NKAIN2: variants seen among roughly 807,000 people sequenced by gnomAD.
The protein encoded by NKAIN2 is sodium/potassium transporting ATPase interacting 2.
A neutral mutation model predicts 32.6 loss-of-function variants in NKAIN2; 14 were observed. The observed-to-expected ratio is 0.43, with a 90% CI of 0.28 to 0.67. NKAIN2 has a LOEUF of 0.67. Among genes scored for constraint, NKAIN2 ranks in the 30% least tolerant of loss-of-function variants. NKAIN2 has a pLI of 0.17. For missense variants in NKAIN2, 198 were observed against 258.3 expected, an observed-to-expected ratio of 0.77 and a Z score of 1.60; for synonymous variants, 80 against 87.2, an observed-to-expected ratio of 0.92 and a Z score of 0.46.
chr6:124,161,978 TGAAAA>T (rs1788302023), intron 1 of NKAIN2, among the ~76,000 whole-genome samples: 1 of 152,078 alleles, frequency 6.6e-6, no homozygotes, highest in African/African-American at 2.4e-5. Flanking sequence ...AATAAAATAA[TGAAAA>T]ATAAAATAAG....
At chr6:124,602,310 T>G (rs913980264) in intron 3 of NKAIN2, among the ~76,000 whole-genome samples, 4 of 152,004 alleles carry the variant, frequency 2.6e-5, no homozygotes, top group African/African-American at 9.7e-5. Flanking sequence ...TCTTATAGCA[T>G]TTTTTACATG....
intron 1 of NKAIN2, among the ~76,000 whole-genome samples, chr6:123,955,357 A>G (rs1777523424): frequency 6.6e-6 from 1 of 151,974 alleles, no homozygotes; most frequent in Non-Finnish European, 1.5e-5. Context: ...TTGTGAATGT[A>G]CATTATTTGA....
intron 3 of NKAIN2, among the ~76,000 whole-genome samples, chr6:124,597,749 T>A (rs1484561162): frequency 1.3e-5 from 2 of 152,278 alleles, no homozygotes; most frequent in East Asian, 3.9e-4. Flanking sequence ...AACTTCTGGC[T>A]TCCTCTAACC....
chr6:124,728,903 A>T (rs1392888236), intron 4 of NKAIN2, among the ~76,000 whole-genome samples: 1 of 151,310 alleles, frequency 6.6e-6, no homozygotes, highest in Non-Finnish European at 1.5e-5. Context: ...AGAAATACAA[A>T]CTACCATCAG....
intron 3 of NKAIN2, among the ~76,000 whole-genome samples, chr6:124,578,629 T>C (rs985826659): frequency 1.3e-5 from 2 of 152,074 alleles, no homozygotes; most frequent in Non-Finnish European, 2.9e-5. Flanking sequence ...CTGAACCTAC[T>C]GGGGCCAGGG....
intron 3 of NKAIN2, among the ~76,000 whole-genome samples, chr6:124,440,923 T>C (rs181594786): frequency 6.6e-6 from 1 of 152,088 alleles, no homozygotes; most frequent in African/African-American, 2.4e-5. Flanking sequence ...CATTCCTACT[T>C]TGACTCCATA....
At chr6:124,323,469 A>G (rs919211732) in intron 2 of NKAIN2, among the ~76,000 whole-genome samples, 4 of 152,198 alleles carry the variant, frequency 2.6e-5, no homozygotes, top group African/African-American at 9.6e-5. Context: ...TAATTTTTGC[A>G]TAAGATATAC....
intron 1 of NKAIN2, among the ~76,000 whole-genome samples, chr6:124,100,935 A>G (rs1417532756): frequency 6.6e-6 from 1 of 152,166 alleles, no homozygotes; most frequent in Non-Finnish European, 1.5e-5. Context: ...TATGAAGACA[A>G]TTTTATGTCT....
At chr6:124,803,926 T>A (rs1780391721) in intron 5 of NKAIN2, among the ~76,000 whole-genome samples, 1 of 152,232 alleles carries the variant, frequency 6.6e-6, no homozygotes. Context: ...TTAATATATA[T>A]ACCTCTACGT....
chr6:124,780,070 T>C (rs545366906), intron 4 of NKAIN2, among the ~76,000 whole-genome samples: 1 of 152,262 alleles, frequency 6.6e-6, no homozygotes, highest in South Asian at 2.1e-4. Flanking sequence ...TTATGCTCAG[T>C]GAAAGAAGCC....
chr6:124,019,922 T>A (rs1339954828), intron 1 of NKAIN2, among the ~76,000 whole-genome samples: 14 of 152,192 alleles, frequency 9.2e-5, no homozygotes. Flanking sequence ...CAGTATTCAA[T>A]GAAAGATATT....
intron 1 of NKAIN2, among the ~76,000 whole-genome samples, chr6:124,216,617 A>G (rs907396751): frequency 6.6e-6 from 1 of 152,182 alleles, no homozygotes; most frequent in Non-Finnish European, 1.5e-5. Context: ...CTGCAAATGT[A>G]GTGTGTAGTT....
At chr6:124,529,947 C>T (rs900277638) in intron 3 of NKAIN2, among the ~76,000 whole-genome samples, 1 of 152,090 alleles carries the variant, frequency 6.6e-6, no homozygotes, top group African/African-American at 2.4e-5. Flanking sequence ...TTGGTCATGA[C>T]GGAGGTAATT....
intron 1 of NKAIN2, among the ~76,000 whole-genome samples, chr6:124,034,961 G>C (rs1781548656): frequency 6.6e-6 from 1 of 151,992 alleles, no homozygotes; most frequent in Non-Finnish European, 1.5e-5. Context: ...TTTAGAAGGA[G>C]GCTTGGGAGA....
At chr6:124,408,861 C>T (rs914762059) in intron 3 of NKAIN2, among the ~76,000 whole-genome samples, 2 of 152,188 alleles carry the variant, frequency 1.3e-5, no homozygotes, top group Non-Finnish European at 2.9e-5. Context: ...TTTATATCCT[C>T]TTCTATTTCA....
chr6:123,881,265 G>A (rs1233153091), intron 1 of NKAIN2, among the ~76,000 whole-genome samples: 1 of 152,040 alleles, frequency 6.6e-6, no homozygotes, highest in Non-Finnish European at 1.5e-5. Context: ...CAGGTGATCC[G>A]CCCACCTCGG....
At chr6:124,429,828 C>G (rs1167880754) in intron 3 of NKAIN2, among the ~76,000 whole-genome samples, 1 of 152,108 alleles carries the variant, frequency 6.6e-6, no homozygotes, top group Non-Finnish European at 1.5e-5. Flanking sequence ...GTCCCTGGGC[C>G]TATCCTGAAT....
intron 1 of NKAIN2, among the ~76,000 whole-genome samples, chr6:123,818,396 CACACAG>C (rs1339727647): frequency 1.4e-5 from 2 of 140,476 alleles, no homozygotes; most frequent in Non-Finnish European, 1.5e-5. Flanking sequence ...CACACACACA[CACACAG>C]AGGAATCATA....
intron 1 of NKAIN2, among the ~76,000 whole-genome samples, chr6:123,843,747 T>C (rs1774976407): frequency 6.6e-6 from 1 of 152,040 alleles, no homozygotes; most frequent in African/African-American, 2.4e-5. Flanking sequence ...GAACAGGGGT[T>C]TGGGGCTTCT....
Sources: allele counts gnomAD v4.1 joint callset (sites outside exome capture counted in the v4.1 genomes callset), GRCh38; gene constraint gnomAD v4.1.1; transcripts MANE v1.5; gene names NCBI Gene and HGNC (gene_info 2026-07-23, HGNC 2026-07-21).